Variants in NRCAM observed in about 807,000 individuals in gnomAD.
NRCAM encodes the protein NgCAM-related cell adhesion molecule.
A neutral mutation model predicts 156.5 loss-of-function variants in NRCAM; 83 were observed. The ratio of observed to expected loss-of-function variants is 0.53; its 90% CI spans 0.44 to 0.64. NRCAM has a LOEUF of 0.64. Among genes scored for constraint, NRCAM ranks in the 30% least tolerant of loss-of-function variants. The pLI is 0.00. For missense variants in NRCAM, 1,417 were observed against 1,597.3 expected (o/e 0.89, Z 1.92); for synonymous variants, 538 against 563.9 (o/e 0.95, Z 0.65).
At chr7:108,404,157 G>A (rs1230113954) in intron 1 of NRCAM, among the ~76,000 whole-genome samples, 1 of 152,114 alleles carries the variant, frequency 6.6e-6, no homozygotes, top group Non-Finnish European at 1.5e-5. Context: ...TGCCTCAGAG[G>A]GAGAGCCCGA....
intron 32 of NRCAM, chr7:108,159,139 G>A (rs548338726): frequency 4.4e-5 from 19 of 431,590 alleles, no homozygotes; most frequent in African/African-American, 1.5e-4. Context: ...AGGCATTGGA[G>A]GTTCTTTTTT....
chr7:108,268,894 T>C (rs1388317553), intron 3 of NRCAM, among the ~76,000 whole-genome samples: 2 of 152,254 alleles, frequency 1.3e-5, no homozygotes, highest in African/African-American at 2.4e-5. Flanking sequence ...TGCCGGGCAC[T>C]GCTCTCCTGC....
intron 2 of NRCAM, among the ~76,000 whole-genome samples, chr7:108,350,271 G>C (rs2099402108): frequency 6.6e-6 from 1 of 152,172 alleles, no homozygotes; most frequent in Non-Finnish European, 1.5e-5. Context: ...GATGCTCATG[G>C]TGATAGACAT....
At chr7:108,240,578 G>A (rs1453882916) in intron 3 of NRCAM, among the ~76,000 whole-genome samples, 4 of 152,136 alleles carry the variant, frequency 2.6e-5, no homozygotes, top group Non-Finnish European at 5.9e-5. Context: ...GAAAGTTCAG[G>A]GGATTGTTGT....
chr7:108,176,510 T>C lies in NRCAM; in HGVS notation c.3071A>G (p.Tyr1024Cys). 6.2e-7 allele frequency: 1 copy of C among 1,613,746 alleles called. No homozygotes were observed. Among genetic ancestry groups the C allele is most frequent in the Non-Finnish European group, 8.5e-7 (1 of 1,179,818 alleles). ...TLKNLNFSTR[Y>C]KFYFYAQTSA... ...TGTTTGTGCATAGAAATAAAACTTA[T>C]ATCGAGTGCTGAAATTTAAATTTTT... The change falls in exon 27 of 33, where the codon TAT (tyrosine) becomes TGT (cysteine). Residue 1024 changes from tyrosine to cysteine, a missense_variant. Physicochemically the swap from Tyr to Cys is radical, Grantham distance 194. This residue lies in a region of NRCAM where 1,238 missense variants were observed against 1,336.4 expected (regional missense o/e 0.93). Transcript: ENST00000379028.
intron 2 of NRCAM, among the ~76,000 whole-genome samples, chr7:108,320,974 C>T (rs1357455918): frequency 6.6e-6 from 1 of 152,188 alleles, no homozygotes; most frequent in Admixed American, 6.5e-5. Context: ...TGGATAAAAA[C>T]AAGGATAGGA....
chr7:108,393,668 T>A (rs964522196), intron 2 of NRCAM, among the ~76,000 whole-genome samples: 4 of 152,136 alleles, frequency 2.6e-5, no homozygotes, highest in Non-Finnish European at 5.9e-5. Context: ...CCGTCTTCTG[T>A]GTCGCTCAAG....
At chr7:108,173,523 T>A (rs191658458) in intron 28 of NRCAM, among the ~76,000 whole-genome samples, 2 of 152,274 alleles carry the variant, frequency 1.3e-5, no homozygotes, top group East Asian at 3.9e-4. Context: ...AGAAGTATTT[T>A]TAAGGAAGGA....
At chr7:108,317,942 G>C (rs1318551180) in intron 2 of NRCAM, among the ~76,000 whole-genome samples, 1 of 148,352 alleles carries the variant, frequency 6.7e-6, no homozygotes, top group Non-Finnish European at 1.5e-5. Context: ...GAAAGGAAAG[G>C]AAAGGAAAAG....
chr7:108,388,066 A>G (rs2099747146), intron 2 of NRCAM, among the ~76,000 whole-genome samples: 1 of 152,174 alleles, frequency 6.6e-6, no homozygotes, highest in Non-Finnish European at 1.5e-5. Context: ...TCTTTTGGGT[A>G]TATACCCAGT....
chr7:108,225,308 T>C (rs973703359), intron 10 of NRCAM, among the ~76,000 whole-genome samples: 1 of 152,172 alleles, frequency 6.6e-6, no homozygotes, highest in Non-Finnish European at 1.5e-5. Context: ...CTGCCAACTC[T>C]TACTTAGTTC....
intron 2 of NRCAM, among the ~76,000 whole-genome samples, chr7:108,327,879 C>T (rs1272197820): frequency 6.6e-6 from 1 of 152,036 alleles, no homozygotes; most frequent in African/African-American, 2.4e-5. Flanking sequence ...ACACTTTGCA[C>T]ACAAAAAGTA....
At chr7:108,408,708 T>C (rs1791535487) in intron 1 of NRCAM, among the ~76,000 whole-genome samples, 1 of 152,248 alleles carries the variant, frequency 6.6e-6, no homozygotes, top group South Asian at 2.1e-4. Flanking sequence ...ACATAATTAG[T>C]GTTGGCTTTG....
intron 4 of NRCAM, among the ~76,000 whole-genome samples, chr7:108,239,398 C>T (rs1430922571): frequency 6.6e-6 from 1 of 152,236 alleles, no homozygotes; most frequent in African/African-American, 2.4e-5. Flanking sequence ...TAGTTCTAGA[C>T]TTATATTTAG....
chr7:108,168,411 A>G lies in NRCAM; in HGVS notation c.3188-9T>C, dbSNP rs748938439. On this transcript the variant is annotated splice_polypyrimidine_tract_variant and intron_variant, in intron 28 of 32. Coordinates refer to ENST00000379028, the MANE Select transcript of NRCAM (RefSeq NM_001037132.4). ...GGGATTTACTGCTTGAACTAAACATACAATAGAAAAATAAAACAAACAATC... is the reference window on the plus strand; with the variant it reads ...GGGATTTACTGCTTGAACTAAACATGCAATAGAAAAATAAAACAAACAATC... The G allele has an allele frequency of 1.3e-6, 2 of 1,587,070 alleles. No individual in the cohort carries two copies. Among genetic ancestry groups the G allele is most frequent in the Non-Finnish European group, 1.7e-6 (2 of 1,170,948 alleles).
intron 28 of NRCAM, among the ~76,000 whole-genome samples, chr7:108,171,542 C>T (rs2058425052): frequency 6.6e-6 from 1 of 152,098 alleles, no homozygotes; most frequent in Non-Finnish European, 1.5e-5. Flanking sequence ...CTCCCTGACT[C>T]ATCTGACAAA....
chr7:108,335,329 T>C (rs2099168027), intron 2 of NRCAM, among the ~76,000 whole-genome samples: 1 of 151,800 alleles, frequency 6.6e-6, no homozygotes, highest in African/African-American at 2.4e-5. Context: ...AGATTCCCTA[T>C]ATTTTTCCTC....
intron 1 of NRCAM, among the ~76,000 whole-genome samples, chr7:108,446,777 T>TAGTGCA (rs1459114838): frequency 2.0e-5 from 3 of 151,494 alleles, no homozygotes; most frequent in African/African-American, 7.3e-5. Flanking sequence ...GCCCAGGCTG[T>TAGTGCA]AGTGCAAGTG....
intron 13 of NRCAM, among the ~76,000 whole-genome samples, chr7:108,203,462 A>T (rs200413670): frequency 0.049 from 5,986 of 123,030 alleles, 369 homozygotes; most frequent in African/African-American, 0.16. Flanking sequence ...TTTTTTTTTT[A>T]AAACAACAGC....
Sources: gnomAD v4.1 joint callset for allele counts (sites outside exome capture counted in the v4.1 genomes callset) on GRCh38, gnomAD v4.1.1 for gene constraint, gnomAD v4.1.1 regional missense constraint, MANE v1.5 for transcripts, NCBI Gene and HGNC (gene_info 2026-07-23, HGNC 2026-07-21) for gene names.